Variants in RBFOX1 observed in about 807,000 individuals in gnomAD.
The protein encoded by RBFOX1 is RNA binding protein fox-1 homolog 1.
Under a neutral mutation model 57.7 loss-of-function variants are expected in RBFOX1, and 8 were observed. The observed-to-expected ratio is 0.14, with a 90% CI of 0.08 to 0.25. The LOEUF (loss-of-function observed/expected upper bound fraction) is 0.25, where lower values mean the gene tolerates loss of function less well. Ranked by LOEUF, RBFOX1 falls within the 10% of genes least tolerant of loss-of-function variation. The probability of loss-of-function intolerance (pLI) is 1.00; values close to 1 mark genes in which losing one functional copy is unlikely to be tolerated. For missense variants in RBFOX1, 611 were observed against 548.5 expected (o/e 1.11, Z -1.14); for synonymous variants, 326 against 222.4 (o/e 1.47, Z -4.15).
chr16:6,005,951 A>G lies in RBFOX1; in HGVS notation c.351+138616A>G, dbSNP rs138362459. 3.8e-3 allele frequency among the ~76,000 whole-genome samples: 585 copies of G among 152,340 alleles called. 4 individuals carry two copies. Among genetic ancestry groups the G allele is most frequent in the Non-Finnish European group, 6.8e-3 (460 of 68,028 alleles). On this transcript the variant is annotated intron_variant, in intron 4 of 19. Transcript: ENST00000641259. ...ACGAATGTGTCATTCTTTGTGGGTG[A>G]AATCAGACTGTATAGCAGACAAGGC...
chr16:5,650,056 G>A lies in RBFOX1; in HGVS notation c.318+51095G>A, dbSNP rs929449388. 2.7e-4 allele frequency among the ~76,000 whole-genome samples: 41 copies of A among 152,200 alleles called. 1 individual carries two copies. Among genetic ancestry groups the A allele is most frequent in the Admixed American group, 3.3e-4 (5 of 15,280 alleles). ...AGCATTGGCCGTCTGGGCTGCTTAA[G>A]CAAACACAAGTTTTGAAGGCACGTT... is the stretch of plus-strand genomic sequence containing the variant. On this transcript the variant is annotated intron_variant, in intron 3 of 19. Coordinates refer to the RBFOX1 transcript ENST00000641259.
At chr16:5,240,105 A>T in exon 1 of RBFOX1, 1 of 1,517,872 alleles carries the variant, frequency 6.6e-7, no homozygotes, top group Non-Finnish European at 8.8e-7. Context: ...ACGGCAGAGG[A>T]GTAAGTGACG....
rs1275787799 is a variant in RBFOX1, at chr16:6,658,620, T to C, written c.-16+3970T>C. Among the ~76,000 whole-genome samples, 3 of 152,318 alleles carry C rather than the reference T, an allele frequency of 2.0e-5. No homozygotes were observed. In the East Asian group the frequency reaches 5.8e-4, roughly 29 times the overall value. ...AAAGAATTTTTATCCTCTCCTGTTT[T>C]TCTATTTTTCTTTATCCCAGAAGCC... is the stretch of plus-strand genomic sequence containing the variant. On this transcript the variant is annotated intron_variant, in intron 3 of 15. Transcript: ENST00000550418.
intron 3 of RBFOX1, among the ~76,000 whole-genome samples, chr16:5,820,130 AGTGG>A (rs2055791669): frequency 6.6e-6 from 1 of 152,206 alleles, no homozygotes; most frequent in Admixed American, 6.5e-5. Context: ...ACCTCTAGGA[AGTGG>A]TTGTTGCTGT....
intron 1 of RBFOX1, among the ~76,000 whole-genome samples, chr16:6,208,393 G>A (rs192594515): frequency 4.1e-5 from 6 of 147,026 alleles, no homozygotes; most frequent in South Asian, 4.5e-4. Flanking sequence ...GGTAGAAGCC[G>A]TTTATTTATT....
chr16:7,252,543 T>G lies in RBFOX1; in HGVS notation c.27+200445T>G, dbSNP rs189487637. On this transcript the variant is annotated intron_variant, in intron 4 of 15. Coordinates refer to ENST00000550418, the MANE Select transcript of RBFOX1 (RefSeq NM_018723.4). ...GCTTTTCATTAAAAGTTGGAAGATC[T>G]GACAAAGCTTGTCCATCATCCAATA... 9.9e-4 allele frequency among the ~76,000 whole-genome samples: 151 copies of G among 152,348 alleles called. 1 individual carries two copies. The highest frequency in any genetic ancestry group is 3.0e-3 in the African/African-American group (125 of 41,578).
chr16:7,413,104 A>G (rs903067873), intron 4 of RBFOX1, among the ~76,000 whole-genome samples: 4 of 152,166 alleles, frequency 2.6e-5, no homozygotes, highest in Admixed American at 2.6e-4. Context: ...AAATTATGGA[A>G]TTATTTTACT....
chr16:7,692,492 A>AAAATCTAACATAAGCATGG (rs2147517661), intron 14 of RBFOX1, among the ~76,000 whole-genome samples: 3 of 152,084 alleles, frequency 2.0e-5, no homozygotes, highest in Non-Finnish European at 4.4e-5. Flanking sequence ...CATAAGCATA[A>AAAATCTAACATAAGCATGG]TAAAAATCTA....
At chr16:6,008,883 A>C (rs1439840267) in intron 4 of RBFOX1, among the ~76,000 whole-genome samples, 2 of 152,312 alleles carry the variant, frequency 1.3e-5, no homozygotes, top group South Asian at 4.1e-4. Context: ...AGCTCGTCTT[A>C]GAGCTTTTGA....
At chr16:7,099,392 A>T (rs1387376858) in intron 4 of RBFOX1, among the ~76,000 whole-genome samples, 1 of 152,100 alleles carries the variant, frequency 6.6e-6, no homozygotes, top group African/African-American at 2.4e-5. Context: ...CCCTCTTTAA[A>T]ATGGGGCTAA....
At chr16:5,330,780 G>C (rs1027968024) in intron 1 of RBFOX1, among the ~76,000 whole-genome samples, 1 of 151,244 alleles carries the variant, frequency 6.6e-6, no homozygotes, top group Non-Finnish European at 1.5e-5. Flanking sequence ...GATGTTAAAA[G>C]AGCACTGTTT....
At chr16:6,644,897 C>A (rs913230279) in intron 2 of RBFOX1, among the ~76,000 whole-genome samples, 1 of 152,172 alleles carries the variant, frequency 6.6e-6, no homozygotes, top group Non-Finnish European at 1.5e-5. Flanking sequence ...GAGATCAGCA[C>A]AAAGAGCTCC....
At chr16:7,642,481 C>G (rs1461220404) in intron 11 of RBFOX1, among the ~76,000 whole-genome samples, 5 of 152,126 alleles carry the variant, frequency 3.3e-5, no homozygotes, top group South Asian at 4.2e-4. Flanking sequence ...GCTTCATGTT[C>G]AGGAGCTGCG....
At position 6,854,904 on chromosome 16, in the gene RBFOX1, A is replaced by AT. The variant is rs373989374; in HGVS notation, c.-15-197146dup. 6.3e-3 allele frequency among the ~76,000 whole-genome samples: 957 copies of AT among 151,734 alleles called. 8 individuals are homozygous for AT. The highest frequency in any genetic ancestry group is 0.022 in the African/African-American group (900 of 41,402). ...CCACCGCGCCCAGCCGAGGTGAATA[A>AT]TTTTTTTATTCTGGTTTCTATATGA... On this transcript the variant is annotated intron_variant, in intron 3 of 15. Coordinates refer to ENST00000550418, the MANE Select transcript of RBFOX1 (RefSeq NM_018723.4).
chr16:5,749,042 A>T (rs539172347), intron 3 of RBFOX1, among the ~76,000 whole-genome samples: 10 of 152,222 alleles, frequency 6.6e-5, no homozygotes, highest in African/African-American at 2.4e-4. Flanking sequence ...TGCTTCCTTC[A>T]GGAGCTCTTT....
chr16:6,670,215 C>A (rs763650982), intron 3 of RBFOX1, among the ~76,000 whole-genome samples: 6 of 151,996 alleles, frequency 3.9e-5, no homozygotes, highest in Admixed American at 3.3e-4. Context: ...AGGAGTGCAC[C>A]GTTATGCCTG....
At chr16:7,708,927 G>C (rs907900771) in intron 14 of RBFOX1, 129 bp from the exon 15 acceptor site, 28 of 763,012 alleles carry the variant, frequency 3.7e-5, no homozygotes, top group East Asian at 2.1e-4. Flanking sequence ...ACACAGCAGA[G>C]TAGAATTTGC....
At chr16:7,279,696 C>G (rs900725514) in intron 4 of RBFOX1, among the ~76,000 whole-genome samples, 2 of 152,198 alleles carry the variant, frequency 1.3e-5, no homozygotes, top group East Asian at 1.9e-4. Flanking sequence ...AACTAGCAGA[C>G]CAGGCATAAT....
chr16:5,433,613 A>C (rs373751666), intron 1 of RBFOX1, among the ~76,000 whole-genome samples: 1 of 152,222 alleles, frequency 6.6e-6, no homozygotes, highest in East Asian at 1.9e-4. Flanking sequence ...TTTTATCCCA[A>C]TTACAAAAAT....
Sources: allele counts gnomAD v4.1 joint callset (sites outside exome capture counted in the v4.1 genomes callset), GRCh38; gene constraint gnomAD v4.1.1; transcripts MANE v1.5; gene names NCBI Gene and HGNC (gene_info 2026-07-23, HGNC 2026-07-21).